SMYD3: variants seen among roughly 807,000 people sequenced by gnomAD.
SMYD3 encodes the protein histone-lysine N-methyltransferase SMYD3.
A neutral mutation model predicts 57.7 loss-of-function variants in SMYD3; 36 were observed. That is an observed-to-expected ratio of 0.62 (90% CI 0.48 to 0.82). The LOEUF (loss-of-function observed/expected upper bound fraction) is 0.82, where lower values mean the gene tolerates loss of function less well. Among genes scored for constraint, SMYD3 ranks in the 40% least tolerant of loss-of-function variants. The pLI, the probability that SMYD3 is intolerant of heterozygous loss-of-function variation, is 0.00. For synonymous variants in SMYD3, 211 were observed against 195.0 expected (o/e 1.08, Z -0.68); for missense variants, 515 against 538.8 (o/e 0.96, Z 0.44).
intron 10 of SMYD3, among the ~76,000 whole-genome samples, chr1:245,789,243 G>A (rs938676113): frequency 1.3e-5 from 2 of 152,152 alleles, no homozygotes; most frequent in Non-Finnish European, 2.9e-5. Context: ...ACTTTCATAG[G>A]CAGCTCCCTA....
intron 10 of SMYD3, among the ~76,000 whole-genome samples, chr1:245,821,212 G>C (rs2049137635): frequency 6.7e-6 from 1 of 150,044 alleles, no homozygotes; most frequent in African/African-American, 2.4e-5. Flanking sequence ...TAGATCAATG[G>C]AACAGAACAG....
intron 5 of SMYD3, among the ~76,000 whole-genome samples, chr1:246,015,450 T>A (rs1171004053): frequency 6.6e-6 from 1 of 152,230 alleles, no homozygotes; most frequent in Non-Finnish European, 1.5e-5. Flanking sequence ...GTTAAATATA[T>A]ATAATGTAAA....
chr1:246,433,549 T>C (rs2067329342), intron 1 of SMYD3, among the ~76,000 whole-genome samples: 1 of 152,120 alleles, frequency 6.6e-6, no homozygotes, highest in South Asian at 2.1e-4. Flanking sequence ...TAATCCCAGC[T>C]ACTCAAGAGG....
intron 5 of SMYD3, among the ~76,000 whole-genome samples, chr1:246,083,023 A>C (rs1048214718): frequency 2.2e-4 from 33 of 150,912 alleles, no homozygotes; most frequent in African/African-American, 8.1e-4. Flanking sequence ...GGTATTGTCC[A>C]AGGTTTCTCC....
At chr1:246,056,625 G>A (rs1386916004) in intron 5 of SMYD3, among the ~76,000 whole-genome samples, 2 of 149,880 alleles carry the variant, frequency 1.3e-5, no homozygotes, top group East Asian at 3.8e-4. Flanking sequence ...CATGAAAATT[G>A]TGCACTATCA....
At chr1:246,206,346 G>C (rs376720902) in intron 5 of SMYD3, among the ~76,000 whole-genome samples, 1 of 152,124 alleles carries the variant, frequency 6.6e-6, no homozygotes. Flanking sequence ...AAGAATGTAA[G>C]AGGAGTTCTG....
chr1:246,249,518 TTG>T (rs201209869), intron 5 of SMYD3, among the ~76,000 whole-genome samples: 8,155 of 112,280 alleles, frequency 0.073, 380 homozygotes, highest in East Asian at 0.42. Context: ...TCCTAGTTTT[TTG>T]TTTTTTTTGT....
At chr1:246,191,924 T>C (rs2062745069) in intron 5 of SMYD3, among the ~76,000 whole-genome samples, 1 of 152,232 alleles carries the variant, frequency 6.6e-6, no homozygotes, top group African/African-American at 2.4e-5. Context: ...CAATCGGTTA[T>C]TCTGATGCAC....
At chr1:246,473,901 T>C (rs745677379) in intron 1 of SMYD3, among the ~76,000 whole-genome samples, 2 of 152,166 alleles carry the variant, frequency 1.3e-5, no homozygotes, top group Non-Finnish European at 2.9e-5. Flanking sequence ...CAGCAGCCGA[T>C]TGTTGCCATC....
intron 5 of SMYD3, among the ~76,000 whole-genome samples, chr1:246,033,123 A>G (rs1259993909): frequency 6.6e-6 from 1 of 152,060 alleles, no homozygotes; most frequent in African/African-American, 2.4e-5. Flanking sequence ...AACTTTATTT[A>G]TAGTAATAAA....
intron 5 of SMYD3, among the ~76,000 whole-genome samples, chr1:246,289,024 AG>A: frequency 6.6e-6 from 1 of 152,292 alleles, no homozygotes; most frequent in Middle Eastern, 3.4e-3. Flanking sequence ...GTGAGGCAGG[AG>A]AATCGCTTGA....
chr1:246,479,156 C>T (rs1367310852), intron 1 of SMYD3, among the ~76,000 whole-genome samples: 1 of 151,352 alleles, frequency 6.6e-6, no homozygotes, highest in African/African-American at 2.4e-5. Context: ...TATATGTAAA[C>T]CTGTCCTCTG....
intron 5 of SMYD3, among the ~76,000 whole-genome samples, chr1:246,195,697 C>G (rs2148343974): frequency 6.6e-6 from 1 of 152,334 alleles, no homozygotes; most frequent in South Asian, 2.1e-4. Context: ...TTAACTTTCC[C>G]TGTGTTGACA....
At chr1:245,822,063 T>C (rs981569182) in intron 10 of SMYD3, among the ~76,000 whole-genome samples, 6 of 152,156 alleles carry the variant, frequency 3.9e-5, no homozygotes, top group African/African-American at 9.7e-5. Context: ...ACCCAAAGGA[T>C]TATAAATCAT....
chr1:246,091,728 A>C (rs1014823890), intron 5 of SMYD3, among the ~76,000 whole-genome samples: 50 of 152,240 alleles, frequency 3.3e-4, no homozygotes, highest in African/African-American at 1.1e-3. Flanking sequence ...GAAATATGTG[A>C]GCTCAATGAG....
intron 10 of SMYD3, among the ~76,000 whole-genome samples, chr1:245,823,787 A>C (rs1374469523): frequency 6.6e-6 from 1 of 152,216 alleles, no homozygotes; most frequent in Non-Finnish European, 1.5e-5. Flanking sequence ...AGAAAATTGG[A>C]AGCACTTCTC....
intron 1 of SMYD3, among the ~76,000 whole-genome samples, chr1:246,474,222 T>C (rs546876717): frequency 9.9e-5 from 15 of 152,256 alleles, no homozygotes; most frequent in Non-Finnish European, 1.8e-4. Flanking sequence ...ACAGTTCTTA[T>C]AGAAATTTAG....
intron 10 of SMYD3, among the ~76,000 whole-genome samples, chr1:245,851,736 T>C (rs76063737): frequency 0.059 from 9,054 of 152,198 alleles, 355 homozygotes; most frequent in Non-Finnish European, 0.079. Flanking sequence ...TCTAGCACTC[T>C]TGCTACAGGG....
chr1:245,786,213 C>CG (rs142982945), intron 10 of SMYD3, among the ~76,000 whole-genome samples: 1,452 of 104,054 alleles, frequency 0.014, 102 homozygotes, highest in African/African-American at 0.035. Flanking sequence ...GGGGTGTGGA[C>CG]GGGGGGGGGA....
Sources: gnomAD v4.1 joint callset for allele counts (sites outside exome capture counted in the v4.1 genomes callset) on GRCh38, gnomAD v4.1.1 for gene constraint, MANE v1.5 for transcripts, NCBI Gene and HGNC (gene_info 2026-07-23, HGNC 2026-07-21) for gene names.